NALCN: variants seen among roughly 807,000 people sequenced by gnomAD.
NALCN encodes sodium leak channel, non-selective.
A neutral mutation model predicts 225.3 loss-of-function variants in NALCN; 111 were observed. That is an observed-to-expected ratio of 0.49 (90% CI 0.42 to 0.58). The LOEUF (loss-of-function observed/expected upper bound fraction) is 0.58, where lower values mean the gene tolerates loss of function less well. NALCN is among the 20% of genes least tolerant of loss of function. The pLI is 0.00. For missense variants in NALCN, 1,378 were observed against 2,202.4 expected (o/e 0.63, Z 7.49); for synonymous variants, 764 against 769.0 (o/e 0.99, Z 0.11).
At chr13:101,143,438 T>C (rs1594297728) in intron 16 of NALCN, among the ~76,000 whole-genome samples, 1 of 152,138 alleles carries the variant, frequency 6.6e-6, no homozygotes, top group African/African-American at 2.4e-5. Context: ...TCAAGCAATA[T>C]TACTCAGTAA....
intron 7 of NALCN, among the ~76,000 whole-genome samples, chr13:101,308,820 C>CA (rs2044241507): frequency 6.6e-6 from 1 of 152,084 alleles, no homozygotes; most frequent in Non-Finnish European, 1.5e-5. Flanking sequence ...GATAAAACAG[C>CA]TCTTTTTTTC....
rs3764105 is a variant in NALCN at position 101,176,268 on chromosome 13, T to C, written c.1839+32A>G. ...ATGGTTTGCCCCTGGTTTTTTGTCC[T>C]TTTTAAAAAAAATCCCCCACACACT... On this transcript the variant is annotated intron_variant, in intron 15 of 43. Transcript: ENST00000251127. 4.9e-3 allele frequency: 7,163 copies of C among 1,471,980 alleles called. 407 individuals carry two copies. The Admixed American group carries it at 0.094, about 19-fold the overall frequency. The allele number at this position is 1,471,980 out of a possible 1,614,324, so 91.2% of individuals were successfully genotyped here.
chr13:101,229,615 A>G (rs753794244), intron 12 of NALCN, 31 bp from the exon 13 acceptor site: 3 of 1,474,010 alleles, frequency 2.0e-6, no homozygotes, highest in Non-Finnish European at 2.7e-6. Flanking sequence ...ATTTATTTAC[A>G]CATATGATCA....
intron 14 of NALCN, among the ~76,000 whole-genome samples, chr13:101,182,003 G>T (rs539695806): frequency 5.3e-5 from 8 of 151,486 alleles, no homozygotes; most frequent in Non-Finnish European, 1.0e-4. Context: ...GCGTGGTGGC[G>T]GGTGCCTGTA....
chr13:101,250,593 A>C (rs1309655451), intron 11 of NALCN, among the ~76,000 whole-genome samples: 1 of 152,010 alleles, frequency 6.6e-6, no homozygotes, highest in East Asian at 1.9e-4. Flanking sequence ...TCTCATTCCA[A>C]ATGTATTGGA....
chr13:101,212,670 A>G (rs1046825672), intron 13 of NALCN, among the ~76,000 whole-genome samples: 1 of 152,144 alleles, frequency 6.6e-6, no homozygotes, highest in Non-Finnish European at 1.5e-5. Flanking sequence ...AGACTGAGGG[A>G]GGGTAAAGCT....
intron 7 of NALCN, among the ~76,000 whole-genome samples, chr13:101,342,776 TTACTC>T (rs1386249677): frequency 6.6e-6 from 1 of 152,186 alleles, no homozygotes; most frequent in Non-Finnish European, 1.5e-5. Flanking sequence ...AAAGATGTCT[TTACTC>T]TTCAATCTTA....
chr13:101,386,850 C>CA (rs34321367), intron 3 of NALCN, among the ~76,000 whole-genome samples: 26,134 of 151,974 alleles, frequency 0.17, 2,842 homozygotes, highest in East Asian at 0.43. Context: ...GACAGCTGGG[C>CA]AAAAATACAT....
chr13:101,190,918 A>G (rs1343347252), intron 14 of NALCN, among the ~76,000 whole-genome samples: 1 of 152,232 alleles, frequency 6.6e-6, no homozygotes, highest in South Asian at 2.1e-4. Context: ...GACCAAATCT[A>G]GATCAGACAG....
At chr13:101,303,390 A>G (rs984085120) in intron 7 of NALCN, among the ~76,000 whole-genome samples, 2 of 151,064 alleles carry the variant, frequency 1.3e-5, no homozygotes, top group African/African-American at 2.4e-5. Context: ...CGTCATTAGC[A>G]CAGAGAGAGG....
At chr13:101,390,571 C>T (rs1267533928) in intron 3 of NALCN, among the ~76,000 whole-genome samples, 9 of 151,640 alleles carry the variant, frequency 5.9e-5, no homozygotes, top group Non-Finnish European at 1.5e-5. Context: ...TAACTATCAA[C>T]AAAAAGATAA....
At chr13:101,234,544 T>C (rs2041475185) in intron 12 of NALCN, among the ~76,000 whole-genome samples, 1 of 152,234 alleles carries the variant, frequency 6.6e-6, no homozygotes, top group African/African-American at 2.4e-5. Context: ...AAAGAGCCGC[T>C]CTGTCTGGTA....
chr13:101,306,173 C>A (rs183413958), intron 7 of NALCN, among the ~76,000 whole-genome samples: 115 of 152,292 alleles, frequency 7.6e-4, no homozygotes, highest in African/African-American at 2.7e-3. Flanking sequence ...GCTGCCAGAG[C>A]TCCCGAGGCT....
At chr13:101,110,980 T>G (rs1008489023) in intron 19 of NALCN, 145 bp downstream of exon 19, 1 of 818,528 alleles carries the variant, frequency 1.2e-6, no homozygotes. Context: ...GTTTCATTAT[T>G]GTAACAAACA....
chr13:101,224,562 T>C (rs929029356), intron 13 of NALCN, among the ~76,000 whole-genome samples: 2 of 152,194 alleles, frequency 1.3e-5, no homozygotes, highest in African/African-American at 4.8e-5. Context: ...TCCAGAGTGC[T>C]GGATATGCTT....
chr13:101,304,588 C>T (rs1014453176), intron 7 of NALCN, among the ~76,000 whole-genome samples: 40 of 152,042 alleles, frequency 2.6e-4, no homozygotes, highest in Non-Finnish European at 2.8e-4. Context: ...CAGGCACTCA[C>T]TACCACGCCT....
intron 11 of NALCN, among the ~76,000 whole-genome samples, chr13:101,241,292 G>A (rs948469114): frequency 6.6e-6 from 1 of 152,160 alleles, no homozygotes. Flanking sequence ...TTCTTCCAGG[G>A]AACCTGGGTC....
At chr13:101,086,848 A>G (rs191485897) in intron 30 of NALCN, among the ~76,000 whole-genome samples, 3 of 152,240 alleles carry the variant, frequency 2.0e-5, no homozygotes, top group Admixed American at 6.5e-5. Flanking sequence ...TTTATTCCCA[A>G]TAATAGTGTT....
intron 13 of NALCN, among the ~76,000 whole-genome samples, chr13:101,225,865 T>C (rs2140122164): frequency 6.6e-6 from 1 of 152,304 alleles, no homozygotes; most frequent in African/African-American, 2.4e-5. Context: ...ACTAATGTGC[T>C]TACCTGGCTT....
Sources: gnomAD v4.1 joint callset for allele counts (sites outside exome capture counted in the v4.1 genomes callset) on GRCh38, gnomAD v4.1.1 for gene constraint, MANE v1.5 for transcripts, NCBI Gene and HGNC (gene_info 2026-07-23, HGNC 2026-07-21) for gene names.